Variants in SLC25A31 observed in about 807,000 individuals in gnomAD.
The protein encoded by SLC25A31 is ADP/ATP translocase 4.
In SLC25A31, 40 loss-of-function variants were observed where a neutral mutation model predicts 36.2. The ratio of observed to expected loss-of-function variants is 1.10; its 90% CI spans 0.86 to 1.44. The LOEUF (loss-of-function observed/expected upper bound fraction) is 1.44. SLC25A31 is among the 40% of genes most tolerant of loss of function. The pLI is 0.00. For synonymous variants in SLC25A31, 143 were observed against 149.7 expected (o/e 0.96, Z 0.32); for missense variants, 350 against 397.1 (o/e 0.88, Z 1.01).
At chr4:127,731,603 C>T (rs1432847542) in intron 1 of SLC25A31, among the ~76,000 whole-genome samples, 1 of 152,030 alleles carries the variant, frequency 6.6e-6, no homozygotes, top group Admixed American at 6.5e-5. Context: ...CAGCTACTTG[C>T]GGGACCCTGA....
At chr4:127,773,237 T>G (rs1342507801) in intron 5 of SLC25A31, 149 bp from the exon 6 acceptor site, 8 of 583,776 alleles carry the variant, frequency 1.4e-5, no homozygotes, top group African/African-American at 1.1e-4. Flanking sequence ...GAATGTTCTC[T>G]AACCACCAGG....
At position 127,764,361 on chromosome 4, in the gene SLC25A31, G is replaced by T; in HGVS notation, c.478+1G>T. 1 of 1,603,916 alleles carries T rather than the reference G, an allele frequency of 6.2e-7. No individual in the cohort carries two copies. Among genetic ancestry groups the T allele is most frequent in the Non-Finnish European group, 8.5e-7 (1 of 1,172,388 alleles). On this transcript the variant is annotated splice_donor_variant, in intron 3 of 5. Transcript: ENST00000281154. LOFTEE classifies it high-confidence loss of function. ...CGATTAGGTGTCGATATTGGAAAAGGTATGAGATTTTTAGAAATACTAACT... is the reference window on the plus strand; with the variant it reads ...CGATTAGGTGTCGATATTGGAAAAGTTATGAGATTTTTAGAAATACTAACT...
intron 1 of SLC25A31, 82 bp from the exon 2 acceptor site, chr4:127,744,590 C>A: frequency 8.1e-7 from 1 of 1,230,960 alleles, no homozygotes; most frequent in South Asian, 2.0e-5. Context: ...TTAGATAGTT[C>A]ATATAGCTAA....
Position 127,773,664 on chromosome 4 carries a change from T to G in SLC25A31, c.*90T>G. ...ATTTGCATACATTTTGATAGTGTTATTGTCTGTATTTTGTTAAAGTGCTAG... is the reference window on the plus strand; with the variant it reads ...ATTTGCATACATTTTGATAGTGTTAGTGTCTGTATTTTGTTAAAGTGCTAG... On this transcript the variant is annotated 3_prime_UTR_variant, in exon 6 of 6. Transcript: ENST00000281154. 1 of 1,072,294 alleles carries G rather than the reference T, an allele frequency of 9.3e-7. No individual in the cohort carries two copies. Among genetic ancestry groups the G allele is most frequent in the Non-Finnish European group, 1.3e-6 (1 of 776,934 alleles). 66.4% of individuals were successfully genotyped at this position (1,072,294 alleles called of 1,614,324 possible). A position where few individuals can be genotyped will look rare whatever the true frequency, so the allele number is the denominator to read the frequency against.
intron 1 of SLC25A31, among the ~76,000 whole-genome samples, chr4:127,741,369 C>G (rs1365575113): frequency 6.6e-6 from 1 of 152,082 alleles, no homozygotes; most frequent in Admixed American, 6.5e-5. Context: ...CACATATGGC[C>G]TTTATTATGT....
intron 5 of SLC25A31, among the ~76,000 whole-genome samples, chr4:127,772,268 C>T (rs1432270199): frequency 6.6e-6 from 1 of 152,086 alleles, no homozygotes; most frequent in Non-Finnish European, 1.5e-5. Flanking sequence ...TAGTATTATT[C>T]CAGTTCTTTT....
intron 2 of SLC25A31, among the ~76,000 whole-genome samples, chr4:127,753,039 CAAG>C (rs1388831510): frequency 6.6e-6 from 1 of 152,012 alleles, no homozygotes; most frequent in African/African-American, 2.4e-5. Flanking sequence ...AACTATAAAT[CAAG>C]AACAGGAGAA....
intron 1 of SLC25A31, among the ~76,000 whole-genome samples, chr4:127,740,669 G>C (rs543783950): frequency 6.6e-6 from 1 of 152,094 alleles, no homozygotes; most frequent in East Asian, 1.9e-4. Flanking sequence ...TCAGGCTGCT[G>C]ATCATGGCAA....
At chr4:127,764,064 A>G (rs942939223) in intron 2 of SLC25A31, among the ~76,000 whole-genome samples, 179 bp from the exon 3 acceptor site, 3 of 152,248 alleles carry the variant, frequency 2.0e-5, no homozygotes, top group Non-Finnish European at 4.4e-5. Flanking sequence ...AACAAAAGCT[A>G]TATGGCTATA....
intron 4 of SLC25A31, among the ~76,000 whole-genome samples, chr4:127,768,207 ATTG>A (rs1455568976): frequency 1.3e-5 from 2 of 151,948 alleles, no homozygotes; most frequent in Non-Finnish European, 2.9e-5. Context: ...TGGCATTTTT[ATTG>A]TTGTCTGGAC....
chr4:127,772,753 TA>T (rs1732386772), intron 5 of SLC25A31, among the ~76,000 whole-genome samples: 1 of 151,902 alleles, frequency 6.6e-6, no homozygotes, highest in Admixed American at 6.6e-5. Context: ...GAAGTGTTCT[TA>T]ACATCCCAAC....
At chr4:127,756,791 C>G (rs1732039704) in intron 2 of SLC25A31, among the ~76,000 whole-genome samples, 1 of 152,082 alleles carries the variant, frequency 6.6e-6, no homozygotes, top group Non-Finnish European at 1.5e-5. Flanking sequence ...TAAGATATCA[C>G]TAAATACCTA....
At chr4:127,755,473 G>T (rs943764985) in intron 2 of SLC25A31, among the ~76,000 whole-genome samples, 1 of 152,118 alleles carries the variant, frequency 6.6e-6, no homozygotes, top group Non-Finnish European at 1.5e-5. Flanking sequence ...ATTAGAAAAT[G>T]TACCAAAAAC....
At chr4:127,751,064 A>C (rs1731922440) in intron 2 of SLC25A31, among the ~76,000 whole-genome samples, 1 of 152,204 alleles carries the variant, frequency 6.6e-6, no homozygotes, top group African/African-American at 2.4e-5. Context: ...CAGAATTGGA[A>C]AAAACTACTT....
intron 2 of SLC25A31, among the ~76,000 whole-genome samples, chr4:127,761,696 C>T (rs1484922078): frequency 6.6e-6 from 1 of 152,180 alleles, no homozygotes; most frequent in East Asian, 1.9e-4. Flanking sequence ...AACCTGGGAT[C>T]CGTGAATGCT....
In SLC25A31 at chr4:127,764,250, G is replaced by C; in HGVS notation, c.368G>C (p.Arg123Thr). 6.2e-7 allele frequency: 1 copy of C among 1,613,608 alleles called. No individual in the cohort carries two copies. The highest frequency in any genetic ancestry group is 2.2e-5 in the East Asian group (1 of 44,856). ...SGVNKEKQFW[R>T]WFLANLASGG... ...TAAATTAATATGTTTCAGTTCTGGAGGTGGTTTTTGGCAAACCTGGCTTCT... is the reference window on the plus strand; with the variant it reads ...TAAATTAATATGTTTCAGTTCTGGACGTGGTTTTTGGCAAACCTGGCTTCT... Residue 123 changes from arginine to threonine, a missense_variant, in exon 3 of 6, where the codon AGG (arginine) becomes ACG (threonine). Transcript: ENST00000281154.
At position 127,744,808 on chromosome 4, in the gene SLC25A31, A is replaced by ATTT; in HGVS notation, c.360+17_360+19dup. ...TTAATAAAGAAAAACAGGTAATTATATTTTTTTTTTACTTTTTTCTTCCAA... is the reference window on the plus strand; with the variant it reads ...TTAATAAAGAAAAACAGGTAATTATATTTTTTTTTTTTTACTTTTTTCTTCCAA... On this transcript the variant is annotated intron_variant, in intron 2 of 5. Coordinates refer to ENST00000281154, the MANE Select transcript of SLC25A31 (RefSeq NM_031291.4). The ATTT allele has an allele frequency of 8.0e-7, 1 of 1,251,704 alleles. No homozygotes were observed. Among genetic ancestry groups the ATTT allele is most frequent in the Non-Finnish European group, 1.1e-6 (1 of 928,720 alleles). 77.5% of individuals were successfully genotyped at this position (1,251,704 alleles called of 1,614,324 possible).
rs139449716 is a variant in SLC25A31, at chr4:127,760,308, A to G, written c.361-3935A>G. 7.6e-4 allele frequency among the ~76,000 whole-genome samples: 116 copies of G among 152,334 alleles called. 1 individual carries two copies. The highest frequency in any genetic ancestry group is 2.7e-3 in the African/African-American group (111 of 41,576). ...GGTAAGGGAAGCATGTGCCTACTAT[A>G]TATGTTGTTTCACTGAATCTTCACT... On this transcript the variant is annotated intron_variant, in intron 2 of 5. Transcript: ENST00000281154.
chr4:127,749,915 C>T (rs1410155214), intron 2 of SLC25A31, among the ~76,000 whole-genome samples: 3 of 152,082 alleles, frequency 2.0e-5, no homozygotes, highest in East Asian at 1.9e-4. Context: ...TTTTAACCAA[C>T]TTGCCAAAAG....
Sources: allele counts gnomAD v4.1 joint callset (sites outside exome capture counted in the v4.1 genomes callset), GRCh38; gene constraint gnomAD v4.1.1; transcripts MANE v1.5; gene names NCBI Gene and HGNC (gene_info 2026-07-23, HGNC 2026-07-21).